Variants in PLCB1 observed in about 807,000 individuals in gnomAD.
The protein encoded by PLCB1 is phospholipase C beta 1.
In PLCB1, 46 loss-of-function variants were observed where a neutral mutation model predicts 161.8. The ratio of observed to expected loss-of-function variants is 0.28; its 90% CI spans 0.22 to 0.36. The LOEUF is 0.36. Among genes scored for constraint, PLCB1 ranks in the 10% least tolerant of loss-of-function variants. The pLI, the probability that PLCB1 is intolerant of heterozygous loss-of-function variation, is 1.00. For synonymous variants in PLCB1, 517 were observed against 503.7 expected (o/e 1.03, Z -0.35); for missense variants, 1,016 against 1,472.5 (o/e 0.69, Z 5.07).
At chr20:8,209,539 T>C (rs1235553018) in intron 2 of PLCB1, among the ~76,000 whole-genome samples, 1 of 152,184 alleles carries the variant, frequency 6.6e-6, no homozygotes, top group Non-Finnish European at 1.5e-5. Context: ...TAAACTTATT[T>C]GTTTTTCTTT....
At chr20:8,761,706 C>T (rs112669878) in intron 25 of PLCB1, among the ~76,000 whole-genome samples, 38 of 150,100 alleles carry the variant, frequency 2.5e-4, no homozygotes, top group Middle Eastern at 3.2e-3. Flanking sequence ...TTAGTAGAGA[C>T]GGTGATTCTC....
intron 3 of PLCB1, among the ~76,000 whole-genome samples, chr20:8,583,742 C>T (rs1270244330): frequency 6.6e-6 from 1 of 152,138 alleles, no homozygotes; most frequent in East Asian, 1.9e-4. Flanking sequence ...TTGGATCTGC[C>T]TTCATTTAAC....
At chr20:8,584,278 T>C (rs1353755597) in intron 3 of PLCB1, among the ~76,000 whole-genome samples, 1 of 152,116 alleles carries the variant, frequency 6.6e-6, no homozygotes, top group African/African-American at 2.4e-5. Flanking sequence ...AAAGTAGGAA[T>C]TCTGTACCTA....
At chr20:8,798,543 C>T (rs536372334) in intron 31 of PLCB1, among the ~76,000 whole-genome samples, 1 of 148,918 alleles carries the variant, frequency 6.7e-6, no homozygotes, top group South Asian at 2.1e-4. Context: ...GAAGCTGAGC[C>T]TCTTTGTCAC....
intron 2 of PLCB1, among the ~76,000 whole-genome samples, chr20:8,279,379 C>T (rs553554066): frequency 1.7e-4 from 26 of 152,184 alleles, no homozygotes; most frequent in South Asian, 6.2e-4. Context: ...CCAGTCACAA[C>T]GGACAAATAT....
chr20:8,485,640 C>T (rs186783227), intron 3 of PLCB1, among the ~76,000 whole-genome samples: 259 of 152,330 alleles, frequency 1.7e-3, no homozygotes, highest in African/African-American at 5.9e-3. Flanking sequence ...TAGAGGACCT[C>T]ATCTGGTGAA....
At chr20:8,563,427 G>A (rs912716137) in intron 3 of PLCB1, among the ~76,000 whole-genome samples, 3 of 152,024 alleles carry the variant, frequency 2.0e-5, no homozygotes, top group African/African-American at 7.2e-5. Flanking sequence ...TCCTCTTGGT[G>A]TGTTTCATTG....
At chr20:8,479,353 A>G (rs1411499386) in intron 3 of PLCB1, among the ~76,000 whole-genome samples, 1 of 152,240 alleles carries the variant, frequency 6.6e-6, no homozygotes, top group Non-Finnish European at 1.5e-5. Context: ...ATTTCAGAAG[A>G]TACAATATTT....
At chr20:8,492,751 C>T (rs1305843879) in intron 3 of PLCB1, among the ~76,000 whole-genome samples, 2 of 151,402 alleles carry the variant, frequency 1.3e-5, no homozygotes, top group Non-Finnish European at 2.9e-5. Flanking sequence ...CACAAATATT[C>T]CCAGAGGTAG....
chr20:8,749,654 T>C (rs1370206245), intron 23 of PLCB1, among the ~76,000 whole-genome samples: 1 of 152,176 alleles, frequency 6.6e-6, no homozygotes, highest in African/African-American at 2.4e-5. Context: ...CTTTTTTATA[T>C]ACATATATTA....
chr20:8,474,116 G>A lies in PLCB1; in HGVS notation c.246+102666G>A, dbSNP rs780129055. Among the ~76,000 whole-genome samples the A allele has an allele frequency of 4.6e-5, 7 of 152,212 alleles. No homozygotes were observed. In the South Asian group the frequency reaches 6.2e-4, roughly 13 times the overall value. Reference sequence around the variant, plus strand: ...ATGCCCCAGTGGCAAAGAGGGGCAGGACATGAAGATGATTTTATTTATTTA... The same window carrying A: ...ATGCCCCAGTGGCAAAGAGGGGCAGAACATGAAGATGATTTTATTTATTTA... On this transcript the variant is annotated intron_variant, in intron 3 of 31. Transcript: ENST00000338037.
At chr20:8,255,275 G>T (rs1292387522) in intron 2 of PLCB1, among the ~76,000 whole-genome samples, 2 of 152,024 alleles carry the variant, frequency 1.3e-5, no homozygotes, top group Non-Finnish European at 2.9e-5. Context: ...ATCAGAGGTA[G>T]TAAGGATAAA....
intron 2 of PLCB1, among the ~76,000 whole-genome samples, chr20:8,326,629 A>T (rs1985165768): frequency 6.6e-6 from 1 of 152,240 alleles, no homozygotes; most frequent in South Asian, 2.1e-4. Flanking sequence ...CTGAAGCAAC[A>T]AATGCCTATT....
At chr20:8,664,641 G>T (rs1314685184) in intron 9 of PLCB1, among the ~76,000 whole-genome samples, 1 of 152,142 alleles carries the variant, frequency 6.6e-6, no homozygotes, top group East Asian at 1.9e-4. Flanking sequence ...TCAAACTAAA[G>T]CACTGAATAA....
chr20:8,600,418 CAGGGGTCAGGGACCCACTTG>C (rs1987518102), intron 3 of PLCB1, among the ~76,000 whole-genome samples: 1 of 143,060 alleles, frequency 7.0e-6, no homozygotes, highest in Non-Finnish European at 1.5e-5. Context: ...GCTCGGGGGT[CAGGGGTCAGGGACCCACTTG>C]AGGAGGCAGT....
At position 8,478,858 on chromosome 20, in the gene PLCB1, T is replaced by C. The variant is rs185735171; in HGVS notation, c.246+107408T>C. Among the ~76,000 whole-genome samples, 30 of 152,266 alleles carry C rather than the reference T, an allele frequency of 2.0e-4. 1 individual carries two copies. The East Asian group carries it at 5.8e-3, about 29-fold the overall frequency. Reference sequence around the variant, plus strand: ...AAACTGCTATGTTAAGCAGGCTCTTTTCATAGATTAAAAATGCTCAAAATT... The same window carrying C: ...AAACTGCTATGTTAAGCAGGCTCTTCTCATAGATTAAAAATGCTCAAAATT... On this transcript the variant is annotated intron_variant, in intron 3 of 31. Transcript: ENST00000338037.
chr20:8,424,966 G>T (rs770667817), intron 3 of PLCB1, among the ~76,000 whole-genome samples: 2 of 151,982 alleles, frequency 1.3e-5, no homozygotes, highest in Non-Finnish European at 1.5e-5. Context: ...TTTCCCATTG[G>T]CCACTTCGTG....
intron 9 of PLCB1, among the ~76,000 whole-genome samples, chr20:8,681,001 TACATACAAACACATAC>T (rs1488513882): frequency 6.7e-5 from 10 of 149,298 alleles, no homozygotes; most frequent in South Asian, 2.1e-4. Context: ...TACAAATACA[TACATACAAACACATAC>T]ACATACAAAC....
At chr20:8,314,227 T>C (rs1984534135) in intron 2 of PLCB1, among the ~76,000 whole-genome samples, 1 of 152,194 alleles carries the variant, frequency 6.6e-6, no homozygotes, top group Non-Finnish European at 1.5e-5. Flanking sequence ...GAATGAGAGC[T>C]ACCATAGATT....
Sources: allele counts gnomAD v4.1 joint callset (sites outside exome capture counted in the v4.1 genomes callset), GRCh38; gene constraint gnomAD v4.1.1; transcripts MANE v1.5; gene names NCBI Gene and HGNC (gene_info 2026-07-23, HGNC 2026-07-21).